The following SDK1 variants were observed in gnomAD, a reference collection of about 807,000 sequenced individuals.
SDK1 encodes sidekick cell adhesion molecule 1, also known as protein sidekick-1.
In SDK1, 157 loss-of-function variants were observed where a neutral mutation model predicts 245.5. The observed-to-expected ratio is 0.64, with a 90% CI of 0.56 to 0.73. SDK1 has a LOEUF of 0.73. Among genes scored for constraint, SDK1 ranks in the 30% least tolerant of loss-of-function variants. The pLI is 0.00. For missense variants in SDK1, 3,583 were observed against 3,002.3 expected (o/e 1.19, Z -4.52); for synonymous variants, 1,647 against 1,278.5 (o/e 1.29, Z -6.15).
intron 1 of SDK1, among the ~76,000 whole-genome samples, chr7:3,410,538 C>G (rs1779171169): frequency 6.7e-6 from 1 of 149,668 alleles, no homozygotes; most frequent in African/African-American, 2.5e-5. Flanking sequence ...ACTACTCTGC[C>G]AAAGGTTGCA....
At chr7:3,457,719 T>G (rs749414087) in intron 1 of SDK1, among the ~76,000 whole-genome samples, 2 of 152,206 alleles carry the variant, frequency 1.3e-5, no homozygotes, top group Admixed American at 6.5e-5. Flanking sequence ...CACATCAGTA[T>G]GAGCTGATTG....
intron 3 of SDK1, among the ~76,000 whole-genome samples, chr7:3,639,828 A>G (rs1286641594): frequency 6.6e-6 from 1 of 151,314 alleles, no homozygotes; most frequent in African/African-American, 2.4e-5. Flanking sequence ...ATATAATTAT[A>G]TGTCATATAT....
intron 1 of SDK1, among the ~76,000 whole-genome samples, chr7:3,326,386 G>A (rs565368446): frequency 6.6e-6 from 1 of 152,292 alleles, no homozygotes; most frequent in East Asian, 1.9e-4. Context: ...TTCAATGGAT[G>A]TATGCTCTTC....
chr7:3,465,426 G>C (rs1292192516), intron 1 of SDK1, among the ~76,000 whole-genome samples: 2 of 152,176 alleles, frequency 1.3e-5, no homozygotes, highest in African/African-American at 4.8e-5. Context: ...TTGAGATTTT[G>C]GCAATGGAAG....
chr7:3,855,788 G>C (rs1370258608), intron 5 of SDK1, among the ~76,000 whole-genome samples: 3 of 152,164 alleles, frequency 2.0e-5, no homozygotes, highest in Admixed American at 6.5e-5. Flanking sequence ...TGGATGTGGA[G>C]GCTCTTTTAG....
rs1779669103 is a variant in SDK1 at position 3,316,635 on chromosome 7, TTC to T, written c.298+14753_298+14754del. Reference sequence around the variant, plus strand: ...GCTTGGATCACAGAAATGTGCCACTTTCTGAGAATGCCCTAGTAGATGTACAC... The same window carrying T: ...GCTTGGATCACAGAAATGTGCCACTTTGAGAATGCCCTAGTAGATGTACAC... On this transcript the variant is annotated intron_variant, in intron 1 of 44. Transcript: ENST00000404826. Among the ~76,000 whole-genome samples the T allele has an allele frequency of 5.3e-5, 8 of 152,272 alleles. No individual in the cohort carries two copies. The South Asian group carries it at 1.5e-3, about 28-fold the overall frequency.
chr7:4,260,316 G>C (rs1206356115), intron 44 of SDK1, among the ~76,000 whole-genome samples: 2 of 141,804 alleles, frequency 1.4e-5, no homozygotes, highest in African/African-American at 5.3e-5. Context: ...TCACCTGATG[G>C]AGAAGCTGGC....
intron 1 of SDK1, among the ~76,000 whole-genome samples, chr7:3,352,820 G>T (rs576994246): frequency 6.6e-6 from 1 of 151,976 alleles, no homozygotes; most frequent in Non-Finnish European, 1.5e-5. Context: ...AAAAATTGAG[G>T]TATTCACAGT....
chr7:4,257,774 C>T (rs1429742540), intron 44 of SDK1, among the ~76,000 whole-genome samples: 1 of 152,232 alleles, frequency 6.6e-6, no homozygotes, highest in Non-Finnish European at 1.5e-5. Context: ...ACTGGCCACT[C>T]AGAACTCACG....
chr7:4,040,284 C>T (rs972810767), intron 17 of SDK1, among the ~76,000 whole-genome samples: 6 of 152,172 alleles, frequency 3.9e-5, no homozygotes, highest in Non-Finnish European at 8.8e-5. Flanking sequence ...TGCCTGAGCA[C>T]TTAGGTTCCC....
At chr7:3,443,765 G>C (rs886783825) in intron 1 of SDK1, among the ~76,000 whole-genome samples, 4 of 152,156 alleles carry the variant, frequency 2.6e-5, no homozygotes, top group African/African-American at 9.7e-5. Flanking sequence ...GTGGTCAGCA[G>C]CGTAATGGCT....
Position 4,012,136 on chromosome 7 carries a change from A to C in SDK1, c.2321A>C (p.Asn774Thr), listed in dbSNP as rs764184948. The C allele has an allele frequency of 5.1e-6, 8 of 1,577,516 alleles. No homozygotes were observed. The highest frequency in any genetic ancestry group is 6.0e-6 in the Non-Finnish European group (7 of 1,162,416). The change falls in exon 16 of 45, where the codon AAT becomes ACT. Residue 774 changes from asparagine (N) to threonine (T), a missense_variant. Physicochemically the swap from Asn to Thr is moderately conservative, Grantham distance 65 (BLOSUM62 0). Coordinates refer to ENST00000404826, the MANE Select transcript of SDK1 (RefSeq NM_152744.4). ...GAACCACCCAGTGCTCCCCCGAAAA[A>C]TATAGTGGCCAGTGGGCGGACTAAT... ...PEEPPSAPPK[N>T]IVASGRTNQS...
At chr7:3,819,647 T>C (rs952920259) in intron 4 of SDK1, among the ~76,000 whole-genome samples, 3 of 152,218 alleles carry the variant, frequency 2.0e-5, no homozygotes, top group African/African-American at 7.2e-5. Context: ...TAAATAATTA[T>C]AATAAAACTC....
intron 1 of SDK1, among the ~76,000 whole-genome samples, chr7:3,462,287 C>G (rs1412670671): frequency 6.6e-6 from 1 of 152,078 alleles, no homozygotes; most frequent in Non-Finnish European, 1.5e-5. Flanking sequence ...GGTTTCCCTC[C>G]TAAATGACCT....
At chr7:3,818,987 G>A (rs1779579136) in intron 4 of SDK1, among the ~76,000 whole-genome samples, 1 of 152,178 alleles carries the variant, frequency 6.6e-6, no homozygotes, top group South Asian at 2.1e-4. Flanking sequence ...GACAGGATGG[G>A]CACACGATAC....
chr7:3,747,827 A>G (rs1268638269), intron 4 of SDK1, among the ~76,000 whole-genome samples: 1 of 151,958 alleles, frequency 6.6e-6, no homozygotes, highest in African/African-American at 2.4e-5. Context: ...CCAGCAGCAG[A>G]CCCTGTACAG....
intron 1 of SDK1, among the ~76,000 whole-genome samples, chr7:3,366,738 T>C (rs1196396971): frequency 6.6e-6 from 1 of 152,108 alleles, no homozygotes; most frequent in African/African-American, 2.4e-5. Context: ...TTATTGTTTT[T>C]ATTTTATTTA....
chr7:3,637,525 G>A (rs994479884), intron 2 of SDK1, among the ~76,000 whole-genome samples: 5 of 152,210 alleles, frequency 3.3e-5, no homozygotes, highest in African/African-American at 7.2e-5. Flanking sequence ...TGTGGGCTCC[G>A]GAGTTGTAAG....
At chr7:3,570,646 A>G (rs1030633366) in intron 1 of SDK1, among the ~76,000 whole-genome samples, 2 of 152,236 alleles carry the variant, frequency 1.3e-5, no homozygotes, top group African/African-American at 2.4e-5. Context: ...AATTCATAAC[A>G]ACATGATCAT....
Sources: gnomAD v4.1 joint callset for allele counts (sites outside exome capture counted in the v4.1 genomes callset) on GRCh38, gnomAD v4.1.1 for gene constraint, MANE v1.5 for transcripts, NCBI Gene and HGNC (gene_info 2026-07-23, HGNC 2026-07-21) for gene names.